Variants in PARVB observed in about 807,000 individuals in gnomAD.
The protein encoded by PARVB is beta-parvin.
PARVB carries 46 observed loss-of-function variants against 47.0 expected under a neutral mutation model. That is an observed-to-expected ratio of 0.98 (90% confidence interval 0.77 to 1.25). The LOEUF is 1.25. Ranked by LOEUF, PARVB falls within the 50% of genes most tolerant of loss-of-function variation. The pLI, the probability that PARVB is intolerant of heterozygous loss-of-function variation, is 0.00. For missense variants in PARVB, 473 were observed against 471.6 expected, an observed-to-expected ratio of 1.00 and a Z score of -0.03; for synonymous variants, 196 against 196.3, an observed-to-expected ratio of 1.00 and a Z score of 0.01.
At chr22:44,114,287 G>T (rs2052799638) in intron 3 of PARVB, 1 of 153,340 alleles carries the variant, frequency 6.5e-6, no homozygotes, top group Admixed American at 6.6e-5. Context: ...CAGATACATT[G>T]TTACTAAGGC....
At chr22:44,156,373 G>A (rs767425426) in intron 10 of PARVB, among the ~76,000 whole-genome samples, 5 of 147,642 alleles carry the variant, frequency 3.4e-5, no homozygotes, top group African/African-American at 7.6e-5. Context: ...TCTGCCTTCC[G>A]GGTTAAAGCG....
chr22:44,004,606 T>C (rs530797014), intron 2 of PARVB, among the ~76,000 whole-genome samples: 1 of 152,298 alleles, frequency 6.6e-6, no homozygotes, highest in South Asian at 2.1e-4. Context: ...ATATAAGAAA[T>C]GTAATGCTGT....
At chr22:44,091,037 A>G (rs2147036093) in intron 1 of PARVB, among the ~76,000 whole-genome samples, 1 of 152,152 alleles carries the variant, frequency 6.6e-6, no homozygotes, top group Non-Finnish European at 1.5e-5. Context: ...GTTCTTCTGG[A>G]TTATTTTTAG....
chr22:44,114,290 A>G (rs1407243935), intron 3 of PARVB: 1 of 148,996 alleles, frequency 6.7e-6, no homozygotes, highest in Non-Finnish European at 1.4e-5. Flanking sequence ...ATACATTGTT[A>G]CTAAGGCCCT....
At chr22:44,069,797 G>A (rs1402786841) in intron 1 of PARVB, among the ~76,000 whole-genome samples, 1 of 152,180 alleles carries the variant, frequency 6.6e-6, no homozygotes, top group African/African-American at 2.4e-5. Context: ...CCAAAATGCT[G>A]GGATTACAGG....
At chr22:44,028,963 C>T (rs2050777901) in intron 1 of PARVB, among the ~76,000 whole-genome samples, 1 of 152,072 alleles carries the variant, frequency 6.6e-6, no homozygotes, top group African/African-American at 2.4e-5. Flanking sequence ...AGGTCATTGG[C>T]TCATTTGTAT....
chr22:44,086,656 A>G (rs748062608), intron 1 of PARVB: 14 of 646,374 alleles, frequency 2.2e-5, no homozygotes, highest in Non-Finnish European at 2.3e-5. Context: ...TCTGATTTAG[A>G]TCTCACTTAG....
At chr22:44,051,509 C>CTTAG (rs2051207779) in intron 1 of PARVB, among the ~76,000 whole-genome samples, 2 of 152,152 alleles carry the variant, frequency 1.3e-5, no homozygotes, top group Non-Finnish European at 2.9e-5. Flanking sequence ...TGGTGGCCTG[C>CTTAG]TTAGCAACAG....
chr22:44,065,177 C>A (rs1569086917), intron 1 of PARVB, among the ~76,000 whole-genome samples: 1 of 151,948 alleles, frequency 6.6e-6, no homozygotes, highest in African/African-American at 2.4e-5. Flanking sequence ...TTGTGGGGAC[C>A]CTTTGTCTAT....
chr22:44,042,877 TC>T (rs2051044216), intron 1 of PARVB, among the ~76,000 whole-genome samples: 1 of 152,168 alleles, frequency 6.6e-6, no homozygotes, highest in African/African-American at 2.4e-5. Context: ...AAAAAGAATA[TC>T]CTTTTTGTAA....
intron 12 of PARVB, chr22:44,168,233 G>A (rs1007182203): frequency 5.1e-6 from 1 of 195,132 alleles, no homozygotes; most frequent in Non-Finnish European, 1.1e-5. Flanking sequence ...CCCAGAGGGA[G>A]CTGTCGGGTC....
intron 3 of PARVB, chr22:44,110,532 A>G (rs2052672959): frequency 6.6e-6 from 1 of 152,138 alleles, no homozygotes; most frequent in South Asian, 2.1e-4. Context: ...AGTTTTGTTC[A>G]TCTTTTTCAG....
intron 1 of PARVB, 98 bp from the exon 2 acceptor site, chr22:44,093,830 A>G (rs1324604539): frequency 1.4e-6 from 1 of 722,560 alleles, no homozygotes; most frequent in East Asian, 2.7e-5. Context: ...AATGCTGAAA[A>G]AAACAGGAAT....
intron 2 of PARVB, among the ~76,000 whole-genome samples, chr22:44,095,159 C>T (rs1025311239): frequency 1.3e-5 from 2 of 152,038 alleles, no homozygotes; most frequent in African/African-American, 4.8e-5. Flanking sequence ...TTAGCTTGCC[C>T]TGGAGGTGCA....
At chr22:44,026,375 G>A in intron 1 of PARVB, 5 of 985,278 alleles carry the variant, frequency 5.1e-6, no homozygotes, top group Non-Finnish European at 4.8e-6. Context: ...CTTTCGCTGG[G>A]GGTGAGCTGG....
chr22:44,081,583 G>T (rs886188163), intron 1 of PARVB: 1 of 985,228 alleles, frequency 1.0e-6, no homozygotes, highest in African/African-American at 1.7e-5. Context: ...TGCTTCTCCA[G>T]ACTTAGCTTC....
chr22:44,016,296 C>G (rs981616325), intron 2 of PARVB, among the ~76,000 whole-genome samples: 9 of 151,938 alleles, frequency 5.9e-5, no homozygotes, highest in Non-Finnish European at 1.5e-5. Context: ...CGGGGTTTCA[C>G]CGTGTTAGCC....
Position 44,155,076 on chromosome 22 carries a change from G to GGT in PARVB, c.844-2896_844-2895dup, listed in dbSNP as rs2053902791. Among the ~76,000 whole-genome samples the GGT allele has an allele frequency of 6.7e-6, 1 of 149,212 alleles. No homozygotes were observed. The highest frequency in any genetic ancestry group is 1.5e-5 in the Non-Finnish European group (1 of 67,612). On this transcript the variant is annotated intron_variant, in intron 10 of 12. Coordinates refer to ENST00000338758, the MANE Select transcript of PARVB (RefSeq NM_013327.5). The surrounding 1 kb of genome is among the most constrained non-coding windows in gnomAD (Gnocchi z 4.8). ...TGTGTGTGGTTTTTGTAGTCTGTGT[G>GGT]GTGTGTGTGTGGTGTAGGTGTGTGT...
intron 2 of PARVB, among the ~76,000 whole-genome samples, chr22:44,006,619 A>G (rs1047703473): frequency 6.6e-6 from 1 of 152,146 alleles, no homozygotes; most frequent in South Asian, 2.1e-4. Flanking sequence ...GCGAGACTAC[A>G]TCTCGGAAAA....
Sources: gnomAD v4.1 joint callset for allele counts (sites outside exome capture counted in the v4.1 genomes callset) on GRCh38, gnomAD v4.1.1 for gene constraint, Gnocchi (gnomAD v3.1) non-coding constraint, MANE v1.5 for transcripts, NCBI Gene and HGNC (gene_info 2026-07-23, HGNC 2026-07-21) for gene names.